The following IQSEC1 variants were observed in gnomAD, a reference collection of about 807,000 sequenced individuals.
IQSEC1 encodes the protein IQ motif and SEC7 domain-containing protein 1.
A neutral mutation model predicts 91.0 loss-of-function variants in IQSEC1; 31 were observed. The observed-to-expected ratio is 0.34, with a 90% confidence interval of 0.26 to 0.46. The LOEUF is 0.46. Ranked by LOEUF, IQSEC1 falls within the 20% of genes least tolerant of loss-of-function variation. IQSEC1 has a pLI of 1.00. For missense variants in IQSEC1, 1,388 were observed against 1,575.6 expected (o/e 0.88, Z 2.02); for synonymous variants, 699 against 662.6 (o/e 1.05, Z -0.84).
Position 12,992,096 on chromosome 3 carries a change from C to T in IQSEC1, c.24-50231G>A, listed in dbSNP as rs536351087. On this transcript the variant is annotated intron_variant, in intron 1 of 13. Coordinates refer to ENST00000613206, the MANE Select transcript of IQSEC1 (RefSeq NM_001134382.3). The surrounding 1 kb of genome is among the most constrained non-coding windows in gnomAD (Gnocchi z 4.1). ...ACCTCTGAGGGGACACCGAGTCCTC[C>T]GAGCATTCCCCAGGAAGCAGCCCTC... 2.0e-5 allele frequency among the ~76,000 whole-genome samples: 3 copies of T among 152,152 alleles called. No individual in the cohort carries two copies. Among genetic ancestry groups the T allele is most frequent in the Non-Finnish European group, 4.4e-5 (3 of 68,004 alleles).
rs578185536 is a variant in IQSEC1 at position 13,162,378 on chromosome 3, G to A, written c.302+1726C>T. Among the ~76,000 whole-genome samples, 4 of 152,324 alleles carry A rather than the reference G, an allele frequency of 2.6e-5. No homozygotes were observed. In the South Asian group the frequency reaches 8.3e-4, roughly 32 times the overall value. The stretch of plus-strand genomic sequence containing the variant: ...TCCTTCCTGAGCCTGCAGCCCCTCC[G>A]AGTCCATGTGGGAATCCCCTTCCAC... On this transcript the variant is annotated intron_variant, in intron 2 of 15. Coordinates refer to the IQSEC1 transcript ENST00000648114.
upstream of IQSEC1, among the ~76,000 whole-genome samples, chr3:13,077,160 G>A (rs1033926408): frequency 1.3e-5 from 2 of 151,824 alleles, no homozygotes; most frequent in African/African-American, 4.8e-5. Flanking sequence ...GCCTTAGCCT[G>A]GGACTATAGG....
At chr3:13,124,708 G>A (rs906550476) in intron 2 of IQSEC1, among the ~76,000 whole-genome samples, 7 of 152,098 alleles carry the variant, frequency 4.6e-5, no homozygotes, top group African/African-American at 7.2e-5. Context: ...TACTTGGCTC[G>A]GGGGCCCCGC....
chr3:13,123,155 T>C (rs1443871039), intron 2 of IQSEC1, among the ~76,000 whole-genome samples: 2 of 152,170 alleles, frequency 1.3e-5, no homozygotes, highest in East Asian at 3.8e-4. Context: ...CCAAGAAGGC[T>C]TTGCACCGGT....
chr3:13,029,355 G>A (rs777258465), intron 1 of IQSEC1, among the ~76,000 whole-genome samples: 4 of 152,192 alleles, frequency 2.6e-5, no homozygotes, highest in African/African-American at 7.2e-5. Flanking sequence ...CCACAGACAC[G>A]CCCAGGGTTA....
chr3:13,029,662 C>A (rs545616034), intron 1 of IQSEC1, among the ~76,000 whole-genome samples: 2 of 152,344 alleles, frequency 1.3e-5, no homozygotes, highest in South Asian at 4.1e-4. Context: ...CAAACAGGAA[C>A]CCTCCCCTTG....
chr3:13,161,259 G>A (rs764407266), intron 2 of IQSEC1, among the ~76,000 whole-genome samples: 2 of 152,170 alleles, frequency 1.3e-5, no homozygotes, highest in African/African-American at 4.8e-5. Flanking sequence ...GGACCACCAG[G>A]GCCACTGCCA....
Position 12,901,537 on chromosome 3 carries a change from C to T in IQSEC1, c.2806-15G>A, listed in dbSNP as rs1694306060. ...ATGATGGACCCCTAAAAAGGAAATT[C>T]ATAGAAATCAAAATTAAAAGATCTT... On this transcript the variant is annotated splice_polypyrimidine_tract_variant and intron_variant, in intron 13 of 13. Transcript: ENST00000613206. 6.5e-7 allele frequency: 1 copy of T among 1,536,970 alleles called. No individual in the cohort carries two copies. Among genetic ancestry groups the T allele is most frequent in the Non-Finnish European group, 8.8e-7 (1 of 1,141,606 alleles).
At chr3:12,971,687 T>G (rs1700904315) in intron 1 of IQSEC1, among the ~76,000 whole-genome samples, 1 of 152,212 alleles carries the variant, frequency 6.6e-6, no homozygotes, top group African/African-American at 2.4e-5. Flanking sequence ...GCCATTGCAC[T>G]CCAGCCTGGG....
intron 12 of IQSEC1, among the ~76,000 whole-genome samples, chr3:12,905,444 C>T (rs562340108): frequency 1.7e-3 from 253 of 152,380 alleles, no homozygotes; most frequent in Non-Finnish European, 3.0e-3. Flanking sequence ...ACTCGGCCGG[C>T]GCTGCCTGAG....
chr3:13,100,719 A>G lies in IQSEC1; in HGVS notation c.303-53197T>C, dbSNP rs1327734940. On this transcript the variant is annotated intron_variant, in intron 2 of 15. Coordinates refer to the IQSEC1 transcript ENST00000648114. ...TCCAGCTGAATTCCTGCCGAGCCTC[A>G]CATTTCGTTCATCGATTAATTCTAC... Among the ~76,000 whole-genome samples, 2 of 148,970 alleles carry G rather than the reference A, an allele frequency of 1.3e-5. 1 individual carries two copies. The highest frequency in any genetic ancestry group is 3.0e-5 in the Non-Finnish European group (2 of 67,220).
At chr3:12,958,188 G>A (rs1030547062) in intron 1 of IQSEC1, among the ~76,000 whole-genome samples, 3 of 152,180 alleles carry the variant, frequency 2.0e-5, no homozygotes, top group Non-Finnish European at 2.9e-5. Context: ...CCTGCAGCAC[G>A]GCAGCTGCCA....
At chr3:12,978,719 AT>A (rs1246794552) in intron 1 of IQSEC1, among the ~76,000 whole-genome samples, 6 of 149,164 alleles carry the variant, frequency 4.0e-5, no homozygotes, top group African/African-American at 1.5e-4. Flanking sequence ...AAAAAAATAA[AT>A]AAATAAAAAA....
At chr3:13,254,964 C>T (rs1371073827) in intron 1 of IQSEC1, among the ~76,000 whole-genome samples, 3 of 152,188 alleles carry the variant, frequency 2.0e-5, no homozygotes, top group Non-Finnish European at 2.9e-5. Flanking sequence ...GCTCCAGATC[C>T]GACAAGGCAC....
At chr3:13,109,762 T>C (rs1039049173) in intron 2 of IQSEC1, among the ~76,000 whole-genome samples, 2 of 150,582 alleles carry the variant, frequency 1.3e-5, no homozygotes, top group East Asian at 3.9e-4. Flanking sequence ...GCTTCCCGTA[T>C]AGCCTGCAGA....
At chr3:13,142,597 T>C (rs1042947404) in intron 2 of IQSEC1, among the ~76,000 whole-genome samples, 1 of 152,256 alleles carries the variant, frequency 6.6e-6, no homozygotes, top group African/African-American at 2.4e-5. Flanking sequence ...CTACAGCCTG[T>C]AGGCCACATA....
At chr3:13,106,237 C>T (rs1706149638) in intron 2 of IQSEC1, among the ~76,000 whole-genome samples, 1 of 152,156 alleles carries the variant, frequency 6.6e-6, no homozygotes, top group Admixed American at 6.5e-5. Flanking sequence ...GGAAGCCTCC[C>T]CGTTTCCCCT....
At chr3:13,200,346 C>T (rs1029336386) in intron 1 of IQSEC1, among the ~76,000 whole-genome samples, 7 of 152,082 alleles carry the variant, frequency 4.6e-5, no homozygotes, top group Admixed American at 3.9e-4. Context: ...AAACCATGAC[C>T]GGGGAAGACT....
At chr3:13,130,340 TCAAA>T (rs1706590393) in intron 2 of IQSEC1, among the ~76,000 whole-genome samples, 1 of 98,120 alleles carries the variant, frequency 1.0e-5, no homozygotes, top group African/African-American at 6.1e-5. Context: ...CGAGACTCTG[TCAAA>T]AAAAAAAAAA....
Sources: allele counts gnomAD v4.1 joint callset (sites outside exome capture counted in the v4.1 genomes callset), GRCh38; gene constraint gnomAD v4.1.1; non-coding constraint Gnocchi (gnomAD v3.1); transcripts MANE v1.5; gene names NCBI Gene and HGNC (gene_info 2026-07-23, HGNC 2026-07-21).